The following ATP11A variants were observed in gnomAD, a reference collection of about 807,000 sequenced individuals.
ATP11A encodes ATPase phospholipid transporting 11A, also known as phospholipid-transporting ATPase IH.
In ATP11A, 81 loss-of-function variants were observed where a neutral mutation model predicts 154.4. The observed-to-expected ratio is 0.52, with a 90% CI of 0.44 to 0.63. The LOEUF is 0.63. Among genes scored for constraint, ATP11A ranks in the 30% least tolerant of loss-of-function variants. The pLI is 0.00. For missense variants in ATP11A, 1,316 were observed against 1,474.3 expected (o/e 0.89, Z 1.76); for synonymous variants, 623 against 585.9 (o/e 1.06, Z -0.91).
chr13:112,690,325 G>T lies in ATP11A; in HGVS notation c.-92G>T. ...GCGCCGAGGCCGTGACCGGAGCGGG[G>T]GGCGCGGCCGCACTAGTACCCCGGA... On this transcript the variant is annotated 5_prime_UTR_variant, in exon 1 of 30. Coordinates refer to ENST00000375645, the MANE Select transcript of ATP11A (RefSeq NM_015205.3). This position sits in a 1 kb window ranked among gnomAD's most constrained non-coding sequence, Gnocchi z 5.6. 1 of 1,024,126 alleles carries T rather than the reference G, an allele frequency of 9.8e-7. No homozygotes were observed. Among genetic ancestry groups the T allele is most frequent in the Non-Finnish European group, 1.2e-6 (1 of 816,302 alleles). The allele number at this position is 1,024,126 out of a possible 1,614,324, so 63.4% of individuals were successfully genotyped here.
rs1181367929 is a variant in ATP11A at position 112,785,997 on chromosome 13, G to A, written c.162+740G>A. Among the ~76,000 whole-genome samples, 5 of 121,276 alleles carry A rather than the reference G, an allele frequency of 4.1e-5. No individual in the cohort carries two copies. Among genetic ancestry groups the A allele is most frequent in the Admixed American group, 8.2e-5 (1 of 12,190 alleles). The allele number at this position is 121,276 out of a possible 152,430, so 79.6% of individuals were successfully genotyped here. On this transcript the variant is annotated intron_variant, in intron 2 of 29. Coordinates refer to ENST00000375645, the MANE Select transcript of ATP11A (RefSeq NM_015205.3). The surrounding 1 kb of genome is among the most constrained non-coding windows in gnomAD (Gnocchi z 4.8). The stretch of plus-strand genomic sequence containing the variant: ...ATGGATGAGCTAAACCCACGCACAC[G>A]CGTGGACGGGCTGCACATGGGGTAA...
At position 112,738,886 on chromosome 13, in the gene ATP11A, T is replaced by C. The variant is rs546025428; in HGVS notation, c.40-46249T>C. 1.2e-3 allele frequency among the ~76,000 whole-genome samples: 188 copies of C among 152,192 alleles called. 1 individual carries two copies. The highest frequency in any genetic ancestry group is 4.5e-3 in the African/African-American group (185 of 41,486). ...CCATGCAGTTCTGGGGCCTGCTGTA[T>C]GTCTTCTTCCCCTAGTGAAACAGCA... On this transcript the variant is annotated intron_variant, in intron 1 of 29. Coordinates refer to ENST00000375645, the MANE Select transcript of ATP11A (RefSeq NM_015205.3).
intron 2 of ATP11A, among the ~76,000 whole-genome samples, chr13:112,788,434 G>A (rs896654085): frequency 6.1e-5 from 9 of 148,190 alleles, no homozygotes; most frequent in South Asian, 2.2e-4. Context: ...AATTCACACC[G>A]GTGTCCTCAT....
At chr13:112,709,931 G>T (rs1179788361) in intron 1 of ATP11A, among the ~76,000 whole-genome samples, 1 of 152,260 alleles carries the variant, frequency 6.6e-6, no homozygotes, top group African/African-American at 2.4e-5. Context: ...GTTAGGCCGC[G>T]CTGCTCCCTG....
chr13:112,808,140 G>A (rs1230578793), intron 4 of ATP11A, among the ~76,000 whole-genome samples: 2 of 152,098 alleles, frequency 1.3e-5, no homozygotes, highest in Non-Finnish European at 2.9e-5. Flanking sequence ...TCTCTACACT[G>A]TGCAGACCAC....
chr13:112,789,349 T>C (rs2077765033), intron 2 of ATP11A, among the ~76,000 whole-genome samples: 1 of 151,046 alleles, frequency 6.6e-6, no homozygotes, highest in South Asian at 2.1e-4. Flanking sequence ...ACACCGAGTG[T>C]CCTGACGTGT....
At chr13:112,755,612 G>A (rs2076803618) in intron 1 of ATP11A, among the ~76,000 whole-genome samples, 1 of 152,194 alleles carries the variant, frequency 6.6e-6, no homozygotes, top group Non-Finnish European at 1.5e-5. Flanking sequence ...TTCCAATCAT[G>A]GAAGCGTCAC....
At position 112,845,792 on chromosome 13, in the gene ATP11A, TTCCAGGCACTAGTGATACTA is replaced by T. The variant is rs1566564937; in HGVS notation, c.1809+3414_1809+3433del. Among the ~76,000 whole-genome samples the T allele has an allele frequency of 3.5e-3, 315 of 89,702 alleles. 7 individuals are homozygous for T. The highest frequency in any genetic ancestry group is 0.014 in the Middle Eastern group (3 of 208). The allele number at this position is 89,702 out of a possible 152,430, so 58.8% of individuals were successfully genotyped here. ...CACTAGCGGTACTAACCAGTCCAGT[TTCCAGGCACTAGTGATACTA>T]ACCAGTCCAGTTGCCGGCACTAGCA... On this transcript the variant is annotated intron_variant, in intron 17 of 29. Transcript: ENST00000375645.
intron 16 of ATP11A, among the ~76,000 whole-genome samples, chr13:112,841,610 C>T (rs145124273): frequency 0.011 from 1,625 of 152,064 alleles, 31 homozygotes; most frequent in African/African-American, 0.037. Flanking sequence ...CAGAGTGCCA[C>T]GTGGCTTCGC....
chr13:112,873,596 G>T lies in ATP11A; in HGVS notation c.3081G>T (p.Trp1027Cys). ...AGCTTGCATTGGACACACACTACTG[G>T]ACTTGGATCAACCATTTTGTCATCT... ...TLKLALDTHY[W>C]TWINHFVIWG... The change falls in exon 27 of 30, where the codon TGG becomes TGT. Residue 1027 changes from tryptophan (W) to cysteine (C), a missense_variant. Transcript: ENST00000375645. 5 of 1,612,140 alleles carry T rather than the reference G, an allele frequency of 3.1e-6. No homozygotes were observed. The highest frequency in any genetic ancestry group is 4.2e-6 in the Non-Finnish European group (5 of 1,179,526).
intron 29 of ATP11A, chr13:112,881,166 T>C (rs2080873136): frequency 1.0e-6 from 1 of 988,464 alleles, no homozygotes; most frequent in Non-Finnish European, 1.2e-6. Flanking sequence ...GGTCTAAAAG[T>C]GGGCTGACCT....
At chr13:112,737,764 G>A (rs1891140063) in intron 1 of ATP11A, among the ~76,000 whole-genome samples, 1 of 152,262 alleles carries the variant, frequency 6.6e-6, no homozygotes, top group Non-Finnish European at 1.5e-5. Context: ...AGTGGGCTCA[G>A]TGGTGAGCTC....
chr13:112,815,972 C>T, intron 5 of ATP11A, 111 bp from the exon 6 acceptor site: 1 of 1,450,200 alleles, frequency 6.9e-7, no homozygotes, highest in South Asian at 1.3e-5. Context: ...TGTCCACATC[C>T]CCGTGTCTTC....
intron 26 of ATP11A, among the ~76,000 whole-genome samples, chr13:112,872,037 C>T (rs1038522861): frequency 3.3e-5 from 5 of 152,198 alleles, no homozygotes; most frequent in South Asian, 2.1e-4. Context: ...AGAGCTACAC[C>T]GGAGGTAACC....
chr13:112,858,058 A>G, intron 21 of ATP11A, 87 bp from the exon 22 acceptor site: 3 of 1,580,094 alleles, frequency 1.9e-6, no homozygotes, highest in Middle Eastern at 1.9e-4. Context: ...GCTCATGATG[A>G]TGGTTTCATC....
intron 1 of ATP11A, among the ~76,000 whole-genome samples, chr13:112,702,519 G>A (rs1188443577): frequency 3.3e-5 from 5 of 152,304 alleles, no homozygotes; most frequent in South Asian, 2.1e-4. Flanking sequence ...CCTCGGGCCC[G>A]ATGTGCCAGG....
At chr13:112,792,531 G>A (rs547227839) in intron 2 of ATP11A, among the ~76,000 whole-genome samples, 1 of 152,340 alleles carries the variant, frequency 6.6e-6, no homozygotes, top group African/African-American at 2.4e-5. Flanking sequence ...AAGGATGAAA[G>A]CCTTTGTCAT....
intron 2 of ATP11A, among the ~76,000 whole-genome samples, chr13:112,790,906 C>G (rs1483719286): frequency 6.6e-6 from 1 of 152,206 alleles, no homozygotes; most frequent in African/African-American, 2.4e-5. Context: ...GCTTTAACCT[C>G]TAGAAACAGG....
At chr13:112,790,692 G>A (rs1018758238) in intron 2 of ATP11A, among the ~76,000 whole-genome samples, 6 of 151,406 alleles carry the variant, frequency 4.0e-5, no homozygotes, top group Non-Finnish European at 8.8e-5. Context: ...CACACCGGGT[G>A]TCCTGATGTG....
Sources: allele counts gnomAD v4.1 joint callset (sites outside exome capture counted in the v4.1 genomes callset), GRCh38; gene constraint gnomAD v4.1.1; non-coding constraint Gnocchi (gnomAD v3.1); transcripts MANE v1.5; gene names NCBI Gene and HGNC (gene_info 2026-07-23, HGNC 2026-07-21).